The following MAN1A1 variants were observed in gnomAD, a reference collection of about 807,000 sequenced individuals.
MAN1A1 encodes mannosidase alpha class 1A member 1.
Under a neutral mutation model 70.8 loss-of-function variants are expected in MAN1A1, and 29 were observed. The ratio of observed to expected loss-of-function variants is 0.41; its 90% CI spans 0.31 to 0.56. The LOEUF is 0.56. Ranked by LOEUF, MAN1A1 falls within the 20% of genes least tolerant of loss-of-function variation. The pLI, the probability that MAN1A1 is intolerant of heterozygous loss-of-function variation, is 0.29. For synonymous variants in MAN1A1, 349 were observed against 330.1 expected, an observed-to-expected ratio of 1.06 and a Z score of -0.62; for missense variants, 747 against 841.3, an observed-to-expected ratio of 0.89 and a Z score of 1.39.
chr6:119,255,325 C>T (rs1775429926), intron 5 of MAN1A1, among the ~76,000 whole-genome samples: 1 of 152,196 alleles, frequency 6.6e-6, no homozygotes, highest in Admixed American at 6.5e-5. Flanking sequence ...TGTACAAGTA[C>T]AGTTTACCTA....
At chr6:119,331,096 T>A (rs998481454) in intron 2 of MAN1A1, among the ~76,000 whole-genome samples, 8 of 151,880 alleles carry the variant, frequency 5.3e-5, no homozygotes, top group African/African-American at 1.9e-4. Flanking sequence ...ATATTAAAAT[T>A]AAAAAAAAAT....
intron 4 of MAN1A1, among the ~76,000 whole-genome samples, chr6:119,292,198 C>G (rs988627352): frequency 2.0e-5 from 3 of 151,986 alleles, no homozygotes; most frequent in African/African-American, 7.2e-5. Flanking sequence ...CATTCTGTTA[C>G]TAGGTAAGTT....
At chr6:119,231,828 C>T (rs900171541) in intron 6 of MAN1A1, among the ~76,000 whole-genome samples, 1 of 152,198 alleles carries the variant, frequency 6.6e-6, no homozygotes, top group Non-Finnish European at 1.5e-5. Context: ...TCAGTTCTAA[C>T]AAAACATGTT....
chr6:119,292,345 A>C (rs1772058779), intron 4 of MAN1A1, among the ~76,000 whole-genome samples: 1 of 152,014 alleles, frequency 6.6e-6, no homozygotes, highest in African/African-American at 2.4e-5. Context: ...ACAGCAATTT[A>C]TAATATATGG....
intron 2 of MAN1A1, among the ~76,000 whole-genome samples, chr6:119,316,961 T>A (rs1772871075): frequency 6.6e-6 from 1 of 151,108 alleles, no homozygotes; most frequent in Non-Finnish European, 1.5e-5. Flanking sequence ...CTTTTTTTTT[T>A]TTTTTGAAAC....
Position 119,348,801 on chromosome 6 carries a change from C to G in MAN1A1, c.265G>C (p.Gly89Arg). Residue 89 changes from glycine to arginine, a missense_variant, in exon 2 of 13, where the codon GGG (glycine) becomes CGG (arginine). Gly to Arg is a moderately radical substitution (Grantham distance 125). Transcript: ENST00000368468. The stretch of plus-strand genomic sequence containing the variant: ...GCGTCCTCGGCGCGCGCCCCGGGCC[C>G]GGGCTTGTGGTCGGCGGCCGGCTGC... ...ALQPAADHKPGPGARAEDAAE... is the reference protein window; with the variant it reads ...ALQPAADHKPRPGARAEDAAE... The G allele has an allele frequency of 1.4e-6, 2 of 1,440,724 alleles. No individual in the cohort carries two copies. The highest frequency in any genetic ancestry group is 1.8e-6 in the Non-Finnish European group (2 of 1,092,056). The allele number at this position is 1,440,724 out of a possible 1,614,324, so 89.2% of individuals were successfully genotyped here.
At chr6:119,228,406 G>A (rs1774579486) in intron 6 of MAN1A1, among the ~76,000 whole-genome samples, 1 of 151,992 alleles carries the variant, frequency 6.6e-6, no homozygotes, top group Non-Finnish European at 1.5e-5. Context: ...AATATATAGT[G>A]ATAATTTTCA....
At chr6:119,258,347 T>A (rs1434753031) in intron 5 of MAN1A1, among the ~76,000 whole-genome samples, 1 of 152,158 alleles carries the variant, frequency 6.6e-6, no homozygotes, top group Non-Finnish European at 1.5e-5. Flanking sequence ...CAGTTGCAGA[T>A]CAAAAATATT....
intron 4 of MAN1A1, among the ~76,000 whole-genome samples, chr6:119,299,514 C>A (rs1430907634): frequency 1.3e-5 from 2 of 151,496 alleles, no homozygotes; most frequent in African/African-American, 2.4e-5. Context: ...AAGGTATAAC[C>A]CAAAACTATC....
intron 6 of MAN1A1, among the ~76,000 whole-genome samples, chr6:119,212,452 C>T (rs149402840): frequency 7.9e-5 from 12 of 152,272 alleles, no homozygotes; most frequent in African/African-American, 2.9e-4. Context: ...AACTCAGCAA[C>T]TTAAGACTGA....
intron 6 of MAN1A1, among the ~76,000 whole-genome samples, chr6:119,225,243 A>G (rs928777070): frequency 6.6e-6 from 1 of 152,146 alleles, no homozygotes; most frequent in Non-Finnish European, 1.5e-5. Flanking sequence ...GGTCAAAGAA[A>G]AGTATAACTG....
At chr6:119,201,957 GAGTT>G (rs1406665539) in intron 7 of MAN1A1, among the ~76,000 whole-genome samples, 1 of 152,142 alleles carries the variant, frequency 6.6e-6, no homozygotes, top group Non-Finnish European at 1.5e-5. Context: ...TGCAGTGGAT[GAGTT>G]AGTAAGTGAG....
At chr6:119,299,322 T>C (rs1772319023) in intron 4 of MAN1A1, among the ~76,000 whole-genome samples, 1 of 152,128 alleles carries the variant, frequency 6.6e-6, no homozygotes, top group African/African-American at 2.4e-5. Context: ...ACAACATATT[T>C]TTTAAAAGGA....
intron 6 of MAN1A1, among the ~76,000 whole-genome samples, chr6:119,223,502 T>C (rs1310098137): frequency 6.6e-6 from 1 of 152,186 alleles, no homozygotes; most frequent in Non-Finnish European, 1.5e-5. Flanking sequence ...AATGTATTAA[T>C]ATTCATACTT....
chr6:119,310,402 T>A (rs1380856589), intron 2 of MAN1A1, among the ~76,000 whole-genome samples: 2 of 152,188 alleles, frequency 1.3e-5, no homozygotes, highest in Non-Finnish European at 2.9e-5. Flanking sequence ...CAAGTTCAAG[T>A]CCCACTTATG....
intron 6 of MAN1A1, among the ~76,000 whole-genome samples, chr6:119,243,451 C>T (rs2114312410): frequency 6.6e-6 from 1 of 152,152 alleles, no homozygotes; most frequent in South Asian, 2.1e-4. Context: ...AACACTTTAA[C>T]AATATTTAAC....
intron 2 of MAN1A1, among the ~76,000 whole-genome samples, chr6:119,307,589 A>G (rs964162565): frequency 6.6e-6 from 1 of 151,670 alleles, no homozygotes; most frequent in African/African-American, 2.4e-5. Flanking sequence ...AATTGGATAC[A>G]TGTGTGTATA....
intron 4 of MAN1A1, among the ~76,000 whole-genome samples, chr6:119,297,964 C>G (rs1051335501): frequency 6.6e-6 from 1 of 151,782 alleles, no homozygotes; most frequent in Non-Finnish European, 1.5e-5. Flanking sequence ...AGTAGTTGAC[C>G]TCTTTTCATT....
At chr6:119,286,320 C>A (rs541719876) in intron 5 of MAN1A1, among the ~76,000 whole-genome samples, 1 of 152,046 alleles carries the variant, frequency 6.6e-6, no homozygotes, top group Non-Finnish European at 1.5e-5. Context: ...CCAAATACTC[C>A]GAATGTCTTA....
Sources: allele counts gnomAD v4.1 joint callset (sites outside exome capture counted in the v4.1 genomes callset), GRCh38; gene constraint gnomAD v4.1.1; transcripts MANE v1.5; gene names NCBI Gene and HGNC (gene_info 2026-07-23, HGNC 2026-07-21).